Variants in LRRC15 observed in about 807,000 individuals in gnomAD.
LRRC15 encodes leucine-rich repeat-containing protein 15.
LRRC15 carries 5 observed loss-of-function variants against 4.3 expected under a neutral mutation model. The observed-to-expected ratio is 1.16, with a 90% CI of 0.61 to 2.44. The LOEUF is 2.44. LRRC15 is among the 30% of genes most tolerant of loss of function. The pLI is 0.01. For missense variants in LRRC15, 769 were observed against 747.0 expected, an observed-to-expected ratio of 1.03 and a Z score of -0.34; for synonymous variants, 337 against 323.2, an observed-to-expected ratio of 1.04 and a Z score of -0.46.
chr3:194,362,356 C>T (rs1239396441), intron 1 of LRRC15, among the ~76,000 whole-genome samples: 1 of 152,114 alleles, frequency 6.6e-6, no homozygotes, highest in South Asian at 2.1e-4. Flanking sequence ...TCCCGGCCAG[C>T]GCTGTGCAAA....
In LRRC15 at chr3:194,359,179, T is replaced by C. The variant is rs913701942; in HGVS notation, c.*119A>G. The C allele has an allele frequency of 3.1e-6, 3 of 975,392 alleles. No homozygotes were observed. In the Admixed American group the frequency reaches 8.0e-5, roughly 26 times the overall value. The allele number at this position is 975,392 out of a possible 1,614,324, so 60.4% of individuals were successfully genotyped here. ...TCAGGAAGAGGTAGGCTCACCTTTC[T>C]CTGGGGCCAGAAAGAGCAATCACGG... On this transcript the variant is annotated 3_prime_UTR_variant, in exon 2 of 2. Transcript: ENST00000347624.
intron 1 of LRRC15, among the ~76,000 whole-genome samples, chr3:194,367,922 G>T (rs2108660967): frequency 6.6e-6 from 1 of 152,368 alleles, no homozygotes; most frequent in Middle Eastern, 3.4e-3. Context: ...CTGGCTTCCT[G>T]CAGAGGCCAG....
chr3:194,368,866 G>A (rs1334993572), intron 1 of LRRC15, among the ~76,000 whole-genome samples: 1 of 152,198 alleles, frequency 6.6e-6, no homozygotes. Flanking sequence ...CACGGGTCAA[G>A]GTGCAGCCGT....
In LRRC15 at chr3:194,360,866, T is replaced by C; in HGVS notation, c.178A>G (p.Ile60Val). The change falls in exon 2 of 2, where the codon ATC (isoleucine) becomes GTC (valine). Residue 60 changes from isoleucine (I) to valine (V), a missense_variant. Coordinates refer to ENST00000347624, the MANE Select transcript of LRRC15 (RefSeq NM_130830.5). ...AGTTCAGTGATGTGCGTGTTGAGGA[T>C]CTGCAGGCTCATGGCGTTCCAGGGC... ...PLPWNAMSLQ[I>V]LNTHITELNE... 6.2e-7 allele frequency: 1 copy of C among 1,609,874 alleles called. No individual in the cohort carries two copies. Among genetic ancestry groups the C allele is most frequent in the Non-Finnish European group, 8.5e-7 (1 of 1,177,096 alleles).
chr3:194,362,349 C>T (rs920696882), intron 1 of LRRC15, among the ~76,000 whole-genome samples: 5 of 152,100 alleles, frequency 3.3e-5, no homozygotes, highest in African/African-American at 9.7e-5. Flanking sequence ...AGGGTCATCC[C>T]GGCCAGCGCT....
In LRRC15 at chr3:194,359,545, G is replaced by C. The variant is rs765118303; in HGVS notation, c.1499C>G (p.Thr500Arg). Reference sequence around the variant, plus strand: ...TAGCTCAGTGGTAGAAGAGACGGATGTGGTGTCAGGGTAACTGGGTGTGTC... The same window carrying C: ...TAGCTCAGTGGTAGAAGAGACGGATCTGGTGTCAGGGTAACTGGGTGTGTC... ...YPDTPSYPDTTSVSSTTELTS... is the reference protein window; with the variant it reads ...YPDTPSYPDTRSVSSTTELTS... The change falls in exon 2 of 2, where the codon ACA becomes AGA. Residue 500 changes from threonine to arginine, a missense_variant. Coordinates refer to ENST00000347624, the MANE Select transcript of LRRC15 (RefSeq NM_130830.5). 10 of 1,614,098 alleles carry C rather than the reference G, an allele frequency of 6.2e-6. No individual in the cohort carries two copies. The highest frequency in any genetic ancestry group is 8.5e-6 in the Non-Finnish European group (10 of 1,180,036).
intron 1 of LRRC15, among the ~76,000 whole-genome samples, chr3:194,366,036 C>T (rs1047287623): frequency 6.6e-6 from 1 of 152,212 alleles, no homozygotes; most frequent in Non-Finnish European, 1.5e-5. Context: ...AGCCTGAGGG[C>T]TCCCGAGGAA....
intron 1 of LRRC15, among the ~76,000 whole-genome samples, chr3:194,367,620 A>C (rs762550052): frequency 2.0e-5 from 3 of 152,166 alleles, no homozygotes; most frequent in Non-Finnish European, 2.9e-5. Context: ...TGTGGATTTG[A>C]AACTGGGACA....
chr3:194,362,421 C>G (rs149223966), intron 1 of LRRC15, among the ~76,000 whole-genome samples: 1 of 152,228 alleles, frequency 6.6e-6, no homozygotes, highest in African/African-American at 2.4e-5. Context: ...CTCCTCAAGT[C>G]AGGAGGGCTT....
At chr3:194,367,480 G>C (rs1295070293) in intron 1 of LRRC15, among the ~76,000 whole-genome samples, 1 of 151,264 alleles carries the variant, frequency 6.6e-6, no homozygotes, top group Non-Finnish European at 1.5e-5. Flanking sequence ...CTAATTTTTT[G>C]TATTTTTAGT....
At chr3:194,369,029 C>T (rs772817499) in intron 1 of LRRC15, among the ~76,000 whole-genome samples, 3 of 152,236 alleles carry the variant, frequency 2.0e-5, no homozygotes, top group Non-Finnish European at 4.4e-5. Flanking sequence ...CTGTTAGAGC[C>T]TGAACAATGC....
At chr3:194,366,538 C>T (rs1038930807) in intron 1 of LRRC15, among the ~76,000 whole-genome samples, 3 of 152,152 alleles carry the variant, frequency 2.0e-5, no homozygotes, top group East Asian at 1.9e-4. Context: ...CTAGACTAGC[C>T]GAGAACCCAG....
Position 194,360,942 on chromosome 3 carries a change from G to A in LRRC15, c.102C>T (p.Ala34=), listed in dbSNP as rs769178697. The change falls in exon 2 of 2, where the codon GCC becomes GCT. Residue 34 remains alanine, a synonymous_variant. Coordinates refer to ENST00000347624, the MANE Select transcript of LRRC15 (RefSeq NM_130830.5). ...GTGCCCCGGTGCACTCCACCTGGGA[G>A]GCCCTGGAGCAGGTACACTCGCTAG... ...GCPSECTCSR[A]SQVECTGARI... The A allele has an allele frequency of 1.3e-6, 2 of 1,592,016 alleles. No individual in the cohort carries two copies. Among genetic ancestry groups the A allele is most frequent in the East Asian group, 2.2e-5 (1 of 44,674 alleles).
At chr3:194,368,861 G>T (rs2048925561) in intron 1 of LRRC15, among the ~76,000 whole-genome samples, 1 of 152,180 alleles carries the variant, frequency 6.6e-6, no homozygotes, top group African/African-American at 2.4e-5. Flanking sequence ...AGAGACACGG[G>T]TCAAGGTGCA....
At position 194,357,579 on chromosome 3, in the gene LRRC15, C is replaced by T. The variant is rs1213324892; in HGVS notation, c.*1719G>A. 1 of 152,208 alleles carries T rather than the reference C, an allele frequency of 6.6e-6. No homozygotes were observed. Among genetic ancestry groups the T allele is most frequent in the East Asian group, 1.9e-4 (1 of 5,192 alleles). The allele number at this position is 152,208 out of a possible 1,614,324, so 9.4% of individuals were successfully genotyped here. On this transcript the variant is annotated 3_prime_UTR_variant, in exon 2 of 2. Transcript: ENST00000347624. ...TGTATAGCAGGAAAGCCAGAGAAGGCAGGTATTCGTGTGACTGTGACTCGA... is the reference window on the plus strand; with the variant it reads ...TGTATAGCAGGAAAGCCAGAGAAGGTAGGTATTCGTGTGACTGTGACTCGA...
chr3:194,366,204 C>A (rs116614144), intron 1 of LRRC15, among the ~76,000 whole-genome samples: 205 of 152,360 alleles, frequency 1.3e-3, no homozygotes, highest in African/African-American at 4.7e-3. Flanking sequence ...TCTCACCAAA[C>A]ATCCCCTCTC....
In LRRC15 at chr3:194,357,628, ACAACT is replaced by A. The variant is rs1365407555; in HGVS notation, c.*1665_*1669del. 1.3e-5 allele frequency: 2 copies of A among 152,202 alleles called. No individual in the cohort carries two copies. The highest frequency in any genetic ancestry group is 2.9e-5 in the Non-Finnish European group (2 of 68,052). 9.4% of individuals were successfully genotyped at this position (152,202 alleles called of 1,614,324 possible). Reference sequence around the variant, plus strand: ...GAGGAGGAGAATAACCCTGGAGCAAACAACTCAACTCCTAACCAGACCACACGCAG... The same window carrying A: ...GAGGAGGAGAATAACCCTGGAGCAAACAACTCCTAACCAGACCACACGCAG... On this transcript the variant is annotated 3_prime_UTR_variant, in exon 2 of 2. Transcript: ENST00000347624.
chr3:194,360,897 G>T lies in LRRC15; in HGVS notation c.147C>A (p.Thr49=). The change falls in exon 2 of 2, where the codon ACC becomes ACA. Residue 49 remains threonine, a synonymous_variant. Transcript: ENST00000347624. ...CTGARIVAVP[T]PLPWNAMSLQ... is the part of the protein sequence containing the mutation. ...GGCTCATGGCGTTCCAGGGCAGAGGGGTGGGCACTGCCACAATGCGTGCCC... is the reference window on the plus strand; with the variant it reads ...GGCTCATGGCGTTCCAGGGCAGAGGTGTGGGCACTGCCACAATGCGTGCCC... 6.2e-7 allele frequency: 1 copy of T among 1,606,094 alleles called. No individual in the cohort carries two copies. The highest frequency in any genetic ancestry group is 8.5e-7 in the Non-Finnish European group (1 of 1,175,960).
In LRRC15 at chr3:194,358,960, G is replaced by A. The variant is rs1001863177; in HGVS notation, c.*338C>T. ...GGACTAACTGAGTCTACAGAGGCCC[G>A]GAGGGGGCCTGGGCGCAGGGAAGGC... On this transcript the variant is annotated 3_prime_UTR_variant, in exon 2 of 2. Transcript: ENST00000347624. 10 of 239,838 alleles carry A rather than the reference G, an allele frequency of 4.2e-5. No homozygotes were observed. The highest frequency in any genetic ancestry group is 2.0e-4 in the African/African-American group (9 of 44,500). 14.9% of individuals were successfully genotyped at this position (239,838 alleles called of 1,614,324 possible).
Sources: gnomAD v4.1 joint callset for allele counts (sites outside exome capture counted in the v4.1 genomes callset) on GRCh38, gnomAD v4.1.1 for gene constraint, MANE v1.5 for transcripts, NCBI Gene and HGNC (gene_info 2026-07-23, HGNC 2026-07-21) for gene names.